The following SI variants were observed in gnomAD, a reference collection of about 807,000 sequenced individuals.
SI encodes the protein sucrase-isomaltase, intestinal.
SI carries 235 observed loss-of-function variants against 253.3 expected under a neutral mutation model. That is an observed-to-expected ratio of 0.93 (90% CI 0.83 to 1.03). The LOEUF (loss-of-function observed/expected upper bound fraction) is 1.03, where lower values mean the gene tolerates loss of function less well. SI is among the 50% of genes least tolerant of loss of function. The pLI is 0.00. For synonymous variants in SI, 819 were observed against 712.0 expected, an observed-to-expected ratio of 1.15 and a Z score of -2.39; for missense variants, 2,442 against 2,211.1, an observed-to-expected ratio of 1.10 and a Z score of -2.09.
At chr3:165,049,093 T>C (rs1713293194) in intron 15 of SI, 34 bp downstream of exon 15, 1 of 1,114,096 alleles carries the variant, frequency 9.0e-7, no homozygotes, top group Non-Finnish European at 1.4e-6. Flanking sequence ...AAGCAATAAA[T>C]ATGAAAGAAG....
In SI at chr3:165,046,877, A is replaced by C. The variant is rs767454168; in HGVS notation, c.1851T>G (p.Thr617=). 8.1e-6 allele frequency: 13 copies of C among 1,613,270 alleles called. No homozygotes were observed. The Admixed American group carries it at 2.2e-4, about 27-fold the overall frequency. ...ASWEQMEWSI[T]GMLEFSLFGI... ...CAAACAAACTGAACTCCAGCATTCCAGTTATAGACCATTCCATTTGTTCCC... is the reference window on the plus strand; with the variant it reads ...CAAACAAACTGAACTCCAGCATTCCCGTTATAGACCATTCCATTTGTTCCC... Residue 617 remains threonine, a synonymous_variant, in exon 16 of 48, where the codon ACT becomes ACG. Transcript: ENST00000264382.
chr3:165,022,683 A>G (rs1292084744), intron 26 of SI, among the ~76,000 whole-genome samples: 1 of 151,496 alleles, frequency 6.6e-6, no homozygotes, highest in Non-Finnish European at 1.5e-5. Flanking sequence ...TGCTATCTCC[A>G]GTTCCACACT....
At chr3:165,074,024 G>A (rs1714778369) in intron 3 of SI, among the ~76,000 whole-genome samples, 1 of 152,002 alleles carries the variant, frequency 6.6e-6, no homozygotes, top group African/African-American at 2.4e-5. Context: ...AAAAGGAAGA[G>A]TGAACTTGGG....
chr3:165,047,792 T>C (rs916153658), intron 15 of SI, among the ~76,000 whole-genome samples: 12 of 151,656 alleles, frequency 7.9e-5, no homozygotes, highest in Non-Finnish European at 1.6e-4. Context: ...TATTTCGACA[T>C]TTTCAAATAT....
intron 34 of SI, among the ~76,000 whole-genome samples, chr3:165,012,290 G>T (rs752833342): frequency 4.6e-5 from 7 of 152,130 alleles, no homozygotes; most frequent in Non-Finnish European, 1.5e-5. Context: ...TCTCAATTAC[G>T]CAAGGTAAAT....
chr3:165,007,297 AC>A (rs1718560217), intron 36 of SI, among the ~76,000 whole-genome samples: 1 of 152,110 alleles, frequency 6.6e-6, no homozygotes, highest in Non-Finnish European at 1.5e-5. Flanking sequence ...ATGTTATAAC[AC>A]TGCCTTTTGA....
intron 13 of SI, among the ~76,000 whole-genome samples, chr3:165,050,698 A>G (rs150205592): frequency 6.6e-5 from 10 of 152,184 alleles, no homozygotes; most frequent in African/African-American, 4.8e-5. Context: ...TCTCATCTCT[A>G]TAATAGTCTC....
At chr3:165,067,044 G>T (rs1161314743) in intron 6 of SI, among the ~76,000 whole-genome samples, 1 of 151,784 alleles carries the variant, frequency 6.6e-6, no homozygotes, top group Non-Finnish European at 1.5e-5. Context: ...TAAATATAAG[G>T]GGGAAAGACA....
chr3:165,014,926 G>A (rs541588412), intron 33 of SI, among the ~76,000 whole-genome samples, 197 bp downstream of exon 33: 1 of 152,102 alleles, frequency 6.6e-6, no homozygotes, highest in Admixed American at 6.6e-5. Flanking sequence ...ATCATATTTG[G>A]ACATGTGACT....
intron 47 of SI, 44 bp downstream of exon 47, chr3:164,982,190 GTAGATGCTT>G: frequency 7.3e-7 from 1 of 1,366,564 alleles, no homozygotes; most frequent in Non-Finnish European, 1.0e-6. Context: ...AGAAGTCCAT[GTAGATGCTT>G]TAAATACGTA....
chr3:165,036,320 C>T, intron 22 of SI, 69 bp downstream of exon 22: 2 of 992,430 alleles, frequency 2.0e-6, no homozygotes, highest in Non-Finnish European at 3.2e-6. Flanking sequence ...ATGATACAAC[C>T]TATATCAATA....
Position 165,059,963 on chromosome 3 carries a change from T to C in SI, c.1085A>G (p.Tyr362Cys), listed in dbSNP as rs1413742097. Residue 362 changes from tyrosine to cysteine, a missense_variant, in exon 10 of 48, where the codon TAT becomes TGT. Physicochemically the swap from Tyr to Cys is radical, Grantham distance 194. Coordinates refer to ENST00000264382, the MANE Select transcript of SI (RefSeq NM_001041.4). ...TTCTTTCACTACATCTAGTGACTTA[T>C]AATTCCAGCGACTTAGTTGGAATCC... ...NLGFQLSRWNYKSLDVVKEVV... is the reference protein window; with the variant it reads ...NLGFQLSRWNCKSLDVVKEVV... 6.2e-7 allele frequency: 1 copy of C among 1,612,146 alleles called. No homozygotes were observed. The highest frequency in any genetic ancestry group is 8.5e-7 in the Non-Finnish European group (1 of 1,178,622).
At chr3:164,995,518 T>C (rs116635068) in intron 40 of SI, among the ~76,000 whole-genome samples, 1,605 of 151,948 alleles carry the variant, frequency 0.011, 29 homozygotes, top group African/African-American at 0.036. Flanking sequence ...TAGAGTTTTC[T>C]ATCCTCTAGA....
At chr3:165,046,807 C>G in intron 16 of SI, 34 bp downstream of exon 16, 1 of 1,526,534 alleles carries the variant, frequency 6.6e-7, no homozygotes, top group Non-Finnish European at 9.1e-7. Flanking sequence ...GTAATTGTAG[C>G]TTTTATGAGT....
At chr3:165,000,732 C>A (rs1260239976) in intron 37 of SI, among the ~76,000 whole-genome samples, 1 of 151,306 alleles carries the variant, frequency 6.6e-6, no homozygotes, top group Non-Finnish European at 1.5e-5. Flanking sequence ...TAAATATATT[C>A]TAATTATTTC....
At chr3:165,073,979 A>G (rs1185191755) in intron 3 of SI, among the ~76,000 whole-genome samples, 1 of 152,044 alleles carries the variant, frequency 6.6e-6, no homozygotes, top group Non-Finnish European at 1.5e-5. Context: ...ACCCACACAC[A>G]ATGACTTTTA....
At chr3:165,069,285 T>C in intron 3 of SI, 90 bp from the exon 4 acceptor site, 1 of 914,920 alleles carries the variant, frequency 1.1e-6, no homozygotes, top group Non-Finnish European at 1.8e-6. Context: ...TATTTTAAAA[T>C]AATCTAACTT....
rs1272323308 is a variant in SI at position 165,023,772 on chromosome 3, G to T, written c.2897C>A (p.Ser966Tyr). The T allele has an allele frequency of 2.5e-6, 4 of 1,608,308 alleles. No individual in the cohort carries two copies. The highest frequency in any genetic ancestry group is 3.4e-6 in the Non-Finnish European group (4 of 1,176,054). ...ACACTCAGGTGCTTTGGATAGAGAA[G>T]AACCCTAAAAACACAATGCATGTTC... ...TQRGCVWRTG[S>Y]SLSKAPECYF... Residue 966 changes from serine (S) to tyrosine (Y), a missense_variant, in exon 26 of 48, where the codon TCT (serine) becomes TAT (tyrosine). By Grantham distance (144) the Ser-to-Tyr change is moderately radical. Transcript: ENST00000264382.
At chr3:164,988,525 A>G (rs1717551063) in intron 44 of SI, among the ~76,000 whole-genome samples, 1 of 152,166 alleles carries the variant, frequency 6.6e-6, no homozygotes, top group African/African-American at 2.4e-5. Flanking sequence ...CTCCTCCATG[A>G]AGCCCTCACT....
Sources: gnomAD v4.1 joint callset for allele counts (sites outside exome capture counted in the v4.1 genomes callset) on GRCh38, gnomAD v4.1.1 for gene constraint, MANE v1.5 for transcripts, NCBI Gene and HGNC (gene_info 2026-07-23, HGNC 2026-07-21) for gene names.